ATAD3A: variants seen among roughly 807,000 people sequenced by gnomAD.
ATAD3A encodes ATPase family AAA domain-containing protein 3A.
A neutral mutation model predicts 73.8 loss-of-function variants in ATAD3A; 46 were observed. The ratio of observed to expected loss-of-function variants is 0.62; its 90% CI spans 0.49 to 0.80. ATAD3A has a LOEUF of 0.80. Ranked by LOEUF, ATAD3A falls within the 30% of genes least tolerant of loss-of-function variation. The pLI is 0.00. For synonymous variants in ATAD3A, 319 were observed against 350.0 expected (o/e 0.91, Z 0.99); for missense variants, 705 against 838.0 (o/e 0.84, Z 1.96).
chr1:1,527,958 CTTT>C (rs376072450), intron 14 of ATAD3A, 96 bp downstream of exon 14: 10,644 of 965,356 alleles, frequency 0.011, no homozygotes, highest in Middle Eastern at 0.018. Context: ...TTTAACATTC[CTTT>C]TTTTTTTTTT....
chr1:1,523,955 G>C lies in ATAD3A; in HGVS notation c.1080G>C (p.Leu360=). 1.2e-6 allele frequency: 2 copies of C among 1,613,942 alleles called. No individual in the cohort carries two copies. Among genetic ancestry groups the C allele is most frequent in the East Asian group, 4.5e-5 (2 of 44,888 alleles). ...MYGPPGTGKT[L]FAKKLALHSG... is the part of the protein sequence containing the mutation. ...GGCCACCAGGCACCGGGAAGACGCT[G>C]TTTGCCAAGGTGAGAGCGCCTGGCT... Residue 360 remains leucine, a synonymous_variant, in exon 10 of 16, where the codon CTG becomes CTC. Coordinates refer to ENST00000378756, the MANE Select transcript of ATAD3A (RefSeq NM_001170535.3). The surrounding 1 kb of genome is among the most constrained non-coding windows in gnomAD (Gnocchi z 5.1).
At position 1,520,276 on chromosome 1, in the gene ATAD3A, A is replaced by G; in HGVS notation, c.650A>G (p.Glu217Gly). The change falls in exon 6 of 16, where the codon GAG becomes GGG. Residue 217 changes from glutamate to glycine, a missense_variant. Coordinates refer to ENST00000378756, the MANE Select transcript of ATAD3A (RefSeq NM_001170535.3). This position sits in a 1 kb window ranked among gnomAD's most constrained non-coding sequence, Gnocchi z 4.0. The part of the protein sequence containing the change: ...IREQIRLKAA[E>G]HRQTVLESIR... ...GAGCAGATCCGCCTGAAGGCGGCCG[A>G]GCACCGTCAGACCGTCTTGGAGTCC... 1 of 1,612,996 alleles carries G rather than the reference A, an allele frequency of 6.2e-7. No individual in the cohort carries two copies. The highest frequency in any genetic ancestry group is 1.1e-5 in the South Asian group (1 of 91,054).
chr1:1,529,092 G>C, intron 14 of ATAD3A, 131 bp from the exon 15 acceptor site: 2 of 1,381,702 alleles, frequency 1.4e-6, no homozygotes, highest in Non-Finnish European at 2.0e-6. Context: ...GAGCTGGGCT[G>C]TCAGAAGTAG....
At chr1:1,529,114 A>G in intron 14 of ATAD3A, 109 bp from the exon 15 acceptor site, 6 of 1,504,138 alleles carry the variant, frequency 4.0e-6, no homozygotes, top group Non-Finnish European at 4.5e-6. Flanking sequence ...GAGCCCCTCC[A>G]AAGAGGATGT....
chr1:1,517,197 A>G lies in ATAD3A; in HGVS notation c.283-114A>G, dbSNP rs759415572. The G allele has an allele frequency of 1.2e-5, 19 of 1,546,724 alleles. 1 individual carries two copies. The Middle Eastern group carries it at 8.5e-4, about 69-fold the overall frequency. On this transcript the variant is annotated intron_variant, in intron 2 of 15. Coordinates refer to ENST00000378756, the MANE Select transcript of ATAD3A (RefSeq NM_001170535.3). ...GCTGGAAGCCCTGAGCCTGCTGCAC[A>G]CACTAGTCTGGGCATGGAGTCTCTG...
intron 7 of ATAD3A, among the ~76,000 whole-genome samples, chr1:1,522,216 T>A (rs1641624327): frequency 6.6e-6 from 1 of 152,124 alleles, no homozygotes; most frequent in Non-Finnish European, 1.5e-5. Context: ...ATTTTTTGTA[T>A]TTTTAGTAGA....
intron 11 of ATAD3A, among the ~76,000 whole-genome samples, chr1:1,524,642 T>G (rs1452846728): frequency 2.4e-5 from 3 of 127,600 alleles, no homozygotes; most frequent in East Asian, 2.3e-4. Flanking sequence ...AGAAGGGAGG[T>G]GGGTGGGTGC....
Position 1,530,621 on chromosome 1 carries a change from A to G in ATAD3A, c.1614+1290A>G, listed in dbSNP as rs1239168097. On this transcript the variant is annotated intron_variant, in intron 15 of 15. Coordinates refer to ENST00000378756, the MANE Select transcript of ATAD3A (RefSeq NM_001170535.3). The stretch of plus-strand genomic sequence containing the variant: ...GAGGCGGGCGGATCACGAGGTCAGG[A>G]GATCGAGACCATCCCGGCTAAAACG... 1.6e-5 allele frequency among the ~76,000 whole-genome samples: 2 copies of G among 123,582 alleles called. 1 individual carries two copies. The highest frequency in any genetic ancestry group is 1.0e-4 in the African/African-American group (2 of 20,040). The allele number at this position is 123,582 out of a possible 152,430, so 81.1% of individuals were successfully genotyped here. A position where few individuals can be genotyped will look rare whatever the true frequency, so the allele number is the denominator to read the frequency against.
intron 7 of ATAD3A, among the ~76,000 whole-genome samples, chr1:1,521,020 G>C (rs779328304): frequency 6.6e-6 from 1 of 151,910 alleles, no homozygotes; most frequent in Non-Finnish European, 1.5e-5. Flanking sequence ...ATTGTCGATA[G>C]TCGTGGCTCA....
intron 12 of ATAD3A, among the ~76,000 whole-genome samples, chr1:1,525,653 A>G (rs1397579376): frequency 6.6e-6 from 1 of 151,914 alleles, no homozygotes; most frequent in Non-Finnish European, 1.5e-5. Context: ...TGACCTCGTG[A>G]TCCTCCCGCC....
intron 2 of ATAD3A, chr1:1,516,956 C>T: frequency 1.2e-6 from 1 of 819,792 alleles, no homozygotes; most frequent in Non-Finnish European, 1.9e-6. Flanking sequence ...AGTTGATCCA[C>T]CCACTTTGGC....
intron 1 of ATAD3A, among the ~76,000 whole-genome samples, chr1:1,514,876 GTTTA>G (rs1188138794): frequency 2.0e-5 from 3 of 152,116 alleles, no homozygotes; most frequent in Non-Finnish European, 2.9e-5. Context: ...AGATTTATAT[GTTTA>G]TTTATTTATT....
intron 15 of ATAD3A, among the ~76,000 whole-genome samples, chr1:1,531,775 C>T (rs943774452): frequency 1.3e-5 from 2 of 151,368 alleles, no homozygotes; most frequent in African/African-American, 4.9e-5. Flanking sequence ...AAGACTCTGT[C>T]TCAAAAATAA....
Position 1,523,825 on chromosome 1 carries a change from G to T in ATAD3A, c.964-14G>T. On this transcript the variant is annotated splice_polypyrimidine_tract_variant and intron_variant, in intron 9 of 15. Transcript: ENST00000378756. This position sits in a 1 kb window ranked among gnomAD's most constrained non-coding sequence, Gnocchi z 5.1. Reference sequence around the variant, plus strand: ...TGCACAGTGTCTCCTCCAAACCCCCGTCTTCCCCGGCAGCCCAGCCTGGAA... The same window carrying T: ...TGCACAGTGTCTCCTCCAAACCCCCTTCTTCCCCGGCAGCCCAGCCTGGAA... 6.2e-7 allele frequency: 1 copy of T among 1,613,766 alleles called. No homozygotes were observed.
At chr1:1,517,964 C>T (rs1178337842) in intron 4 of ATAD3A, among the ~76,000 whole-genome samples, 189 bp downstream of exon 4, 2 of 151,876 alleles carry the variant, frequency 1.3e-5, no homozygotes, top group South Asian at 4.1e-4. Context: ...CAGACGTGTG[C>T]ACACATGTAC....
In ATAD3A at chr1:1,523,644, C is replaced by G; in HGVS notation, c.963+77C>G. ...TGGGCCGGGCTGTGGCCCTTGCTGGCGCTCGTGGTGGCACCCAGGAGCTTT... is the reference window on the plus strand; with the variant it reads ...TGGGCCGGGCTGTGGCCCTTGCTGGGGCTCGTGGTGGCACCCAGGAGCTTT... On this transcript the variant is annotated intron_variant, in intron 9 of 15. Transcript: ENST00000378756. The surrounding 1 kb of genome is among the most constrained non-coding windows in gnomAD (Gnocchi z 5.1). The G allele has an allele frequency of 2.5e-6, 4 of 1,604,484 alleles. No homozygotes were observed. The highest frequency in any genetic ancestry group is 3.4e-6 in the Non-Finnish European group (4 of 1,175,460).
rs1439864852 is a variant in ATAD3A, at chr1:1,534,496, G to A, written c.*424G>A. The A allele has an allele frequency of 1.2e-4, 100 of 857,098 alleles. No homozygotes were observed. The highest frequency in any genetic ancestry group is 1.3e-4 in the Non-Finnish European group (87 of 645,676). The allele number at this position is 857,098 out of a possible 1,614,324, so 53.1% of individuals were successfully genotyped here. ...GGGGCGCCTGCCAGGGCCAGACCCA[G>A]GTGGGGCAGCCTGAACCCTGCTTCC... On this transcript the variant is annotated 3_prime_UTR_variant, in exon 16 of 16. Coordinates refer to ENST00000378756, the MANE Select transcript of ATAD3A (RefSeq NM_001170535.3).
At chr1:1,521,298 C>CAAAAAAA (rs1001385922) in intron 7 of ATAD3A, among the ~76,000 whole-genome samples, 3 of 25,364 alleles carry the variant, frequency 1.2e-4, no homozygotes, top group African/African-American at 1.8e-4. Context: ...GGCTTCTTCT[C>CAAAAAAA]AAAAAAAAAA....
At chr1:1,528,756 AAG>A (rs1188450817) in intron 14 of ATAD3A, among the ~76,000 whole-genome samples, 2 of 152,174 alleles carry the variant, frequency 1.3e-5, no homozygotes, top group African/African-American at 4.8e-5. Flanking sequence ...GTGATGACAA[AAG>A]AGAGCCTGGT....
Sources: gnomAD v4.1 joint callset for allele counts (sites outside exome capture counted in the v4.1 genomes callset) on GRCh38, gnomAD v4.1.1 for gene constraint, Gnocchi (gnomAD v3.1) non-coding constraint, MANE v1.5 for transcripts, NCBI Gene and HGNC (gene_info 2026-07-23, HGNC 2026-07-21) for gene names.